Variants in DPP6 observed in about 807,000 individuals in gnomAD.
The protein encoded by DPP6 is dipeptidyl peptidase like 6.
In DPP6, 69 loss-of-function variants were observed where a neutral mutation model predicts 122.6. That is an observed-to-expected ratio of 0.56 (90% CI 0.46 to 0.69). DPP6 has a LOEUF of 0.69. Ranked by LOEUF, DPP6 falls within the 30% of genes least tolerant of loss-of-function variation. The pLI, the probability that DPP6 is intolerant of heterozygous loss-of-function variation, is 0.00. For missense variants in DPP6, 928 were observed against 1,116.9 expected, an observed-to-expected ratio of 0.83 and a Z score of 2.41; for synonymous variants, 418 against 433.1, an observed-to-expected ratio of 0.97 and a Z score of 0.43.
Position 154,893,102 on chromosome 7 carries a change from C to T in DPP6, c.*622C>T, listed in dbSNP as rs889258510. On this transcript the variant is annotated 3_prime_UTR_variant, in exon 26 of 26. Coordinates refer to ENST00000377770, the MANE Select transcript of DPP6 (RefSeq NM_130797.4). ...AACTCGTATTTTTCTATGGTTTTAA[C>T]CTGATGCTCCACTGTCTCCGTCATG... 7 of 379,306 alleles carry T rather than the reference C, an allele frequency of 1.8e-5. No homozygotes were observed. The highest frequency in any genetic ancestry group is 1.1e-4 in the African/African-American group (5 of 47,568). The allele number at this position is 379,306 out of a possible 1,614,324, so 23.5% of individuals were successfully genotyped here. A position where few individuals can be genotyped will look rare whatever the true frequency, so the allele number is the denominator to read the frequency against.
At position 154,403,592 on chromosome 7, in the gene DPP6, C is replaced by G. The variant is rs538123603; in HGVS notation, c.244-42622C>G. Among the ~76,000 whole-genome samples the G allele has an allele frequency of 6.6e-6, 1 of 152,318 alleles. No homozygotes were observed. Among genetic ancestry groups the G allele is most frequent in the South Asian group, 2.1e-4 (1 of 4,828 alleles). On this transcript the variant is annotated intron_variant, in intron 1 of 25. Coordinates refer to ENST00000377770, the MANE Select transcript of DPP6 (RefSeq NM_130797.4). This position sits in a 1 kb window ranked among gnomAD's most constrained non-coding sequence, Gnocchi z 4.1. ...AGCAAAGAGCACTGGGCAATCACGCCTTTCTCTGCTGTCTGCACGTGGCGA... is the reference window on the plus strand; with the variant it reads ...AGCAAAGAGCACTGGGCAATCACGCGTTTCTCTGCTGTCTGCACGTGGCGA...
intron 5 of DPP6, among the ~76,000 whole-genome samples, chr7:154,609,186 A>G (rs1431001436): frequency 2.6e-5 from 4 of 152,160 alleles, no homozygotes; most frequent in Non-Finnish European, 4.4e-5. Flanking sequence ...ATTCTCGAAC[A>G]GTTTCGTTAT....
intron 17 of DPP6, 24 bp downstream of exon 17, chr7:154,853,851 A>G: frequency 6.2e-7 from 1 of 1,612,876 alleles, no homozygotes; most frequent in Non-Finnish European, 8.5e-7. Context: ...TTTTTCCTTA[A>G]ATCTTCCTGA....
chr7:154,454,743 T>G (rs934127807), intron 2 of DPP6, among the ~76,000 whole-genome samples: 1 of 152,174 alleles, frequency 6.6e-6, no homozygotes, highest in Non-Finnish European at 1.5e-5. Flanking sequence ...CAGAATCTGA[T>G]GAAAACTGTA....
At chr7:154,552,454 C>T (rs937036527) in intron 4 of DPP6, among the ~76,000 whole-genome samples, 41 of 152,142 alleles carry the variant, frequency 2.7e-4, no homozygotes, top group African/African-American at 8.7e-4. Context: ...TTGACCAAGA[C>T]GGGAAGTTTG....
intron 6 of DPP6, among the ~76,000 whole-genome samples, chr7:154,640,571 T>G (rs1158792092): frequency 2.0e-5 from 3 of 152,150 alleles, no homozygotes; most frequent in Non-Finnish European, 4.4e-5. Flanking sequence ...TGTCAGAGTC[T>G]TATTTGTCTT....
intron 1 of DPP6, among the ~76,000 whole-genome samples, chr7:154,252,235 T>TGCGCGCGC (rs1554501569): frequency 1.3e-5 from 2 of 149,346 alleles, no homozygotes; most frequent in Non-Finnish European, 2.9e-5. Context: ...TGTGTGTGTG[T>TGCGCGCGC]GCGCGCATGC....
At chr7:154,279,085 TGG>T (rs1235014480) in intron 1 of DPP6, among the ~76,000 whole-genome samples, 1 of 151,472 alleles carries the variant, frequency 6.6e-6, no homozygotes, top group African/African-American at 2.4e-5. Context: ...GATGTGTGTG[TGG>T]GGATGCATGT....
chr7:153,951,173 C>T (rs1049842873), intron 1 of DPP6, among the ~76,000 whole-genome samples: 12 of 152,146 alleles, frequency 7.9e-5, no homozygotes, highest in African/African-American at 2.7e-4. Context: ...GAGAGCTACT[C>T]TGCAGAAAAG....
At chr7:154,021,196 G>A (rs1017375269) in intron 1 of DPP6, among the ~76,000 whole-genome samples, 3 of 152,152 alleles carry the variant, frequency 2.0e-5, no homozygotes, top group Non-Finnish European at 2.9e-5. Flanking sequence ...AGCACTCTGC[G>A]AACGTTTGCT....
At chr7:153,863,427 T>A in the DPP6 span, among the ~76,000 whole-genome samples, 16 of 152,282 alleles carry the variant, frequency 1.1e-4, no homozygotes, top group African/African-American at 3.8e-4. Flanking sequence ...ACCTTCCAAG[T>A]GCAAAATCTC....
At chr7:153,868,502 C>G in the DPP6 span, among the ~76,000 whole-genome samples, 1 of 152,170 alleles carries the variant, frequency 6.6e-6, no homozygotes, top group Non-Finnish European at 1.5e-5. Flanking sequence ...GTGATATAAC[C>G]TTTGTCATTT....
At chr7:154,516,027 C>A (rs777917454) in intron 3 of DPP6, among the ~76,000 whole-genome samples, 1 of 152,152 alleles carries the variant, frequency 6.6e-6, no homozygotes, top group Admixed American at 6.5e-5. Context: ...CACCTACTAC[C>A]TTTTCTGATT....
At chr7:154,652,249 T>G (rs1166514471) in intron 6 of DPP6, among the ~76,000 whole-genome samples, 3 of 150,304 alleles carry the variant, frequency 2.0e-5, no homozygotes, top group African/African-American at 7.4e-5. Context: ...TCAAAATCAC[T>G]TTTGCTCCAA....
chr7:153,874,501 A>G, the DPP6 span, among the ~76,000 whole-genome samples: 1 of 152,058 alleles, frequency 6.6e-6, no homozygotes, highest in African/African-American at 2.4e-5. Flanking sequence ...TCAGCCTCCC[A>G]AGTAGCTGGG....
At chr7:154,845,656 G>C (rs1801888065) in intron 16 of DPP6, among the ~76,000 whole-genome samples, 1 of 152,066 alleles carries the variant, frequency 6.6e-6, no homozygotes, top group African/African-American at 2.4e-5. Flanking sequence ...AGAACTTAAA[G>C]TATAATAATA....
chr7:154,750,028 T>C (rs1843293590), intron 8 of DPP6, among the ~76,000 whole-genome samples: 1 of 151,524 alleles, frequency 6.6e-6, no homozygotes, highest in Non-Finnish European at 1.5e-5. Flanking sequence ...GAGGCTTTAC[T>C]GTGAGAGTGT....
At chr7:153,833,901 C>A in the DPP6 span, among the ~76,000 whole-genome samples, 1 of 152,154 alleles carries the variant, frequency 6.6e-6, no homozygotes, top group African/African-American at 2.4e-5. Flanking sequence ...ACAGCTAACC[C>A]TCCAGCATAA....
At chr7:154,148,177 C>T (rs1796212467) in intron 1 of DPP6, among the ~76,000 whole-genome samples, 2 of 142,036 alleles carry the variant, frequency 1.4e-5, no homozygotes, top group African/African-American at 5.6e-5. Context: ...CCTTCAAATC[C>T]ACTGAGCAAG....
Sources: allele counts gnomAD v4.1 joint callset (sites outside exome capture counted in the v4.1 genomes callset), GRCh38; gene constraint gnomAD v4.1.1; non-coding constraint Gnocchi (gnomAD v3.1); transcripts MANE v1.5; gene names NCBI Gene and HGNC (gene_info 2026-07-23, HGNC 2026-07-21).